PRKN: variants seen among roughly 807,000 people sequenced by gnomAD.
PRKN encodes parkin RBR E3 ubiquitin protein ligase, also known as E3 ubiquitin-protein ligase parkin.
Under a neutral mutation model 59.5 loss-of-function variants are expected in PRKN, and 56 were observed. The observed-to-expected ratio is 0.94, with a 90% CI of 0.76 to 1.18. The LOEUF (loss-of-function observed/expected upper bound fraction) is 1.18. Among genes scored for constraint, PRKN ranks in the 50% most tolerant of loss-of-function variants. The probability of loss-of-function intolerance (pLI) is 0.00; values close to 1 mark genes in which losing one functional copy is unlikely to be tolerated. For synonymous variants in PRKN, 250 were observed against 222.1 expected, an observed-to-expected ratio of 1.13 and a Z score of -1.12; for missense variants, 657 against 596.4, an observed-to-expected ratio of 1.10 and a Z score of -1.06.
At chr6:162,487,411 C>T (rs1583656532) in intron 1 of PRKN, among the ~76,000 whole-genome samples, 1 of 152,178 alleles carries the variant, frequency 6.6e-6, no homozygotes, top group South Asian at 2.1e-4. Flanking sequence ...CTCCCAGGCA[C>T]AAGCCTCTGT....
intron 6 of PRKN, among the ~76,000 whole-genome samples, chr6:161,912,143 A>C (rs1396343044): frequency 6.7e-6 from 1 of 150,198 alleles, no homozygotes; most frequent in East Asian, 2.0e-4. Flanking sequence ...ACACCACTGC[A>C]CTCCAGCCTG....
At chr6:161,515,340 G>A (rs930262962) in intron 9 of PRKN, among the ~76,000 whole-genome samples, 5 of 152,154 alleles carry the variant, frequency 3.3e-5, no homozygotes, top group Non-Finnish European at 7.3e-5. Context: ...AAGTTTTCTG[G>A]ATTCTGGATT....
chr6:161,908,821 A>G (rs917629235), intron 6 of PRKN, among the ~76,000 whole-genome samples: 2 of 152,238 alleles, frequency 1.3e-5, no homozygotes, highest in Admixed American at 1.3e-4. Context: ...TTAATTGGCA[A>G]ACAAGAACAT....
chr6:162,296,601 T>C (rs1781689803), intron 2 of PRKN, among the ~76,000 whole-genome samples: 2 of 152,150 alleles, frequency 1.3e-5, no homozygotes, highest in Non-Finnish European at 1.5e-5. Context: ...CAAATTATTA[T>C]GTGCCAATCA....
At chr6:161,868,649 G>C (rs185652800) in intron 6 of PRKN, among the ~76,000 whole-genome samples, 1 of 152,274 alleles carries the variant, frequency 6.6e-6, no homozygotes, top group Non-Finnish European at 1.5e-5. Context: ...AGCACAGGCT[G>C]TTTGTGGAGA....
chr6:161,443,390 G>A (rs532847377), intron 9 of PRKN, among the ~76,000 whole-genome samples: 2 of 152,146 alleles, frequency 1.3e-5, no homozygotes, highest in African/African-American at 4.8e-5. Flanking sequence ...CTTACCACAT[G>A]CCCTGCATGG....
At chr6:162,701,610 T>C (rs956962506) in intron 1 of PRKN, among the ~76,000 whole-genome samples, 21 of 151,776 alleles carry the variant, frequency 1.4e-4, no homozygotes, top group African/African-American at 4.6e-4. Context: ...TCAAAATACC[T>C]AGGGCTTGAG....
intron 7 of PRKN, among the ~76,000 whole-genome samples, chr6:161,606,241 A>C (rs146189289): frequency 2.8e-4 from 43 of 152,314 alleles, no homozygotes; most frequent in African/African-American, 9.9e-4. Context: ...TCAACTCTCC[A>C]GTTAAGTGTG....
In PRKN at chr6:161,391,820, A is replaced by G. The variant is rs1786515319; in HGVS notation, c.1084-4943T>C. Among the ~76,000 whole-genome samples the G allele has an allele frequency of 6.6e-6, 1 of 152,068 alleles. No homozygotes were observed. The highest frequency in any genetic ancestry group is 1.5e-5 in the Non-Finnish European group (1 of 68,014). ...GATTTCACCTGTGGACAGCAGCGTC[A>G]GGCTGTGCTCAAGAGTTCCAGCCTG... On this transcript the variant is annotated intron_variant, in intron 9 of 11. Coordinates refer to ENST00000366898, the MANE Select transcript of PRKN (RefSeq NM_004562.3). This position sits in a 1 kb window ranked among gnomAD's most constrained non-coding sequence, Gnocchi z 4.9.
chr6:161,945,699 A>G (rs1212366373), intron 6 of PRKN, among the ~76,000 whole-genome samples: 1 of 152,146 alleles, frequency 6.6e-6, no homozygotes, highest in African/African-American at 2.4e-5. Context: ...ATCACTGATA[A>G]TGTTCTCTCT....
Position 161,546,085 on chromosome 6 carries a change from G to A in PRKN, c.1083+2769C>T, listed in dbSNP as rs1326499762. Among the ~76,000 whole-genome samples, 1 of 152,178 alleles carries A rather than the reference G, an allele frequency of 6.6e-6. No homozygotes were observed. The highest frequency in any genetic ancestry group is 1.5e-5 in the Non-Finnish European group (1 of 68,032). The stretch of plus-strand genomic sequence containing the variant: ...ATTTGGAAGAGTATATCCAATGAAT[G>A]CCATGTAAGCAATCTTCCTTGAATG... On this transcript the variant is annotated intron_variant, in intron 9 of 11. Coordinates refer to ENST00000366898, the MANE Select transcript of PRKN (RefSeq NM_004562.3). The surrounding 1 kb of genome is among the most constrained non-coding windows in gnomAD (Gnocchi z 4.4).
chr6:162,096,141 G>A (rs565845654), intron 4 of PRKN, among the ~76,000 whole-genome samples: 10 of 150,978 alleles, frequency 6.6e-5, no homozygotes, highest in Non-Finnish European at 1.2e-4. Flanking sequence ...TGTGTAGATT[G>A]TAAGATTGGT....
At chr6:162,698,333 C>CA (rs1337772934) in intron 1 of PRKN, among the ~76,000 whole-genome samples, 2 of 152,164 alleles carry the variant, frequency 1.3e-5, no homozygotes, top group African/African-American at 2.4e-5. Context: ...GACCACATGA[C>CA]ACAGTCCTTG....
Position 161,396,898 on chromosome 6 carries a change from AC to A in PRKN, c.1084-10022del, listed in dbSNP as rs1786785383. On this transcript the variant is annotated intron_variant, in intron 9 of 11. Coordinates refer to ENST00000366898, the MANE Select transcript of PRKN (RefSeq NM_004562.3). The surrounding 1 kb of genome is among the most constrained non-coding windows in gnomAD (Gnocchi z 5.4). ...GACACCCTGCCAGCACATCTTACAG[AC>A]TTTTGTCTTTGGAGGTTTTGCAGCT... is the stretch of plus-strand genomic sequence containing the variant. 6.6e-6 allele frequency among the ~76,000 whole-genome samples: 1 copy of A among 152,174 alleles called. No homozygotes were observed.
chr6:162,642,731 AC>A lies in PRKN; in HGVS notation c.7+84930del, dbSNP rs560571490. Among the ~76,000 whole-genome samples, 9 of 151,994 alleles carry A rather than the reference AC, an allele frequency of 5.9e-5. No homozygotes were observed. In the South Asian group the frequency reaches 1.7e-3, roughly 28 times the overall value. ...TGAAATATCATAGAAAAGTTATATA[AC>A]TTTTTTCTTAAGAAAAATGATTAAA... On this transcript the variant is annotated intron_variant, in intron 1 of 11. Transcript: ENST00000366898.
chr6:161,735,301 A>G (rs1787917625), intron 7 of PRKN, among the ~76,000 whole-genome samples: 1 of 152,024 alleles, frequency 6.6e-6, no homozygotes, highest in Admixed American at 6.6e-5. Context: ...TCCTCAGCCT[A>G]CCCAACATAA....
chr6:161,763,265 G>A (rs1463114800), intron 7 of PRKN, among the ~76,000 whole-genome samples: 3 of 152,148 alleles, frequency 2.0e-5, no homozygotes, highest in Non-Finnish European at 2.9e-5. Flanking sequence ...AATTGGAGAA[G>A]CAAAGGCTGA....
intron 9 of PRKN, among the ~76,000 whole-genome samples, chr6:161,418,206 G>A (rs1179697919): frequency 6.6e-6 from 1 of 152,232 alleles, no homozygotes; most frequent in Non-Finnish European, 1.5e-5. Flanking sequence ...GAGTTAGACA[G>A]ATAACGTGTT....
chr6:161,679,971 G>A (rs990190943), intron 7 of PRKN, among the ~76,000 whole-genome samples: 1 of 151,618 alleles, frequency 6.6e-6, no homozygotes, highest in Non-Finnish European at 1.5e-5. Flanking sequence ...AGCCAGGATG[G>A]TCTCGATCTC....
Sources: gnomAD v4.1 joint callset for allele counts (sites outside exome capture counted in the v4.1 genomes callset) on GRCh38, gnomAD v4.1.1 for gene constraint, Gnocchi (gnomAD v3.1) non-coding constraint, MANE v1.5 for transcripts, NCBI Gene and HGNC (gene_info 2026-07-23, HGNC 2026-07-21) for gene names.